CCDC138: variants seen among roughly 807,000 people sequenced by gnomAD.
CCDC138 encodes coiled-coil domain-containing protein 138.
A neutral mutation model predicts 82.3 loss-of-function variants in CCDC138; 66 were observed. That is an observed-to-expected ratio of 0.80 (90% CI 0.66 to 0.98). The LOEUF (loss-of-function observed/expected upper bound fraction) is 0.98, where lower values mean the gene tolerates loss of function less well. Ranked by LOEUF, CCDC138 falls within the 50% of genes least tolerant of loss-of-function variation. CCDC138 has a pLI of 0.00. For missense variants in CCDC138, 816 were observed against 758.9 expected (o/e 1.08, Z -0.88); for synonymous variants, 297 against 265.4 (o/e 1.12, Z -1.16).
chr2:108,857,321 G>A (rs915466201), intron 13 of CCDC138, among the ~76,000 whole-genome samples: 10 of 151,798 alleles, frequency 6.6e-5, no homozygotes, highest in Non-Finnish European at 1.5e-4. Flanking sequence ...TGGCAGCCTC[G>A]GCCTCCCAAA....
intron 3 of CCDC138, among the ~76,000 whole-genome samples, chr2:108,789,972 AAT>A (rs1679632022): frequency 6.6e-6 from 1 of 152,246 alleles, no homozygotes; most frequent in African/African-American, 2.4e-5. Flanking sequence ...GAAATGTTGA[AAT>A]AATTGTGGAG....
chr2:108,868,108 G>A (rs762875076), intron 13 of CCDC138, among the ~76,000 whole-genome samples: 19 of 152,282 alleles, frequency 1.2e-4, no homozygotes, highest in Admixed American at 2.0e-4. Context: ...TTGACAGCAT[G>A]TACTTTTAAA....
chr2:108,803,627 C>T (rs1422897056), intron 6 of CCDC138, among the ~76,000 whole-genome samples: 1 of 152,074 alleles, frequency 6.6e-6, no homozygotes, highest in African/African-American at 2.4e-5. Flanking sequence ...TGTTCTACTT[C>T]TCCATGTCTG....
At chr2:108,860,957 T>TTTTTTTTG in intron 13 of CCDC138, among the ~76,000 whole-genome samples, 1 of 146,778 alleles carries the variant, frequency 6.8e-6, no homozygotes, top group Non-Finnish European at 1.5e-5. Flanking sequence ...TTTTTTTTTT[T>TTTTTTTTG]TGGTTGGTAA....
intron 8 of CCDC138, 37 bp downstream of exon 8, chr2:108,812,745 T>G: frequency 6.2e-7 from 1 of 1,609,412 alleles, no homozygotes; most frequent in Admixed American, 1.7e-5. Context: ...CAGAAGTATG[T>G]TTTTAGATGA....
At chr2:108,854,557 GAGGTCTGTTAGACT>G (rs1692295097) in intron 12 of CCDC138, among the ~76,000 whole-genome samples, 1 of 152,116 alleles carries the variant, frequency 6.6e-6, no homozygotes, top group South Asian at 2.1e-4. Context: ...GATCAGAATT[GAGGTCTGTTAGACT>G]ACATTAGTTG....
At chr2:108,861,663 TAG>T (rs1397993663) in intron 13 of CCDC138, among the ~76,000 whole-genome samples, 1 of 152,020 alleles carries the variant, frequency 6.6e-6, no homozygotes, top group Non-Finnish European at 1.5e-5. Flanking sequence ...GCATTTTTAG[TAG>T]AGACAGGGTT....
At chr2:108,868,108 G>T (rs762875076) in intron 13 of CCDC138, among the ~76,000 whole-genome samples, 1 of 152,164 alleles carries the variant, frequency 6.6e-6, no homozygotes. Context: ...TTGACAGCAT[G>T]TACTTTTAAA....
intron 10 of CCDC138, among the ~76,000 whole-genome samples, chr2:108,818,622 A>C (rs1685164545): frequency 6.6e-6 from 1 of 152,318 alleles, no homozygotes; most frequent in East Asian, 1.9e-4. Flanking sequence ...TGGCCATCGC[A>C]AGCAGGTATT....
rs1558777754 is a variant in CCDC138, at chr2:108,876,255, C to G, written c.*2C>G. 6 of 1,570,598 alleles carry G rather than the reference C, an allele frequency of 3.8e-6. No homozygotes were observed. The highest frequency in any genetic ancestry group is 5.2e-6 in the Non-Finnish European group (6 of 1,156,296). The stretch of plus-strand genomic sequence containing the variant: ...CTGGTCTCCAGTGCAAGCCCTTAGA[C>G]TGGCTAATTTTTTAATATAGTATAT... On this transcript the variant is annotated 3_prime_UTR_variant, in exon 15 of 15. Coordinates refer to ENST00000295124, the MANE Select transcript of CCDC138 (RefSeq NM_144978.3).
chr2:108,812,691 C>A lies in CCDC138; in HGVS notation c.916C>A (p.Arg306Ser). The A allele has an allele frequency of 6.2e-7, 1 of 1,610,000 alleles. No individual in the cohort carries two copies. The highest frequency in any genetic ancestry group is 1.1e-5 in the South Asian group (1 of 90,942). Reference protein sequence around the residue: ...IDIQAKRVQARLDNLQRKYEF... With the variant: ...IDIQAKRVQASLDNLQRKYEF... Reference sequence around the variant, plus strand: ...CATTCAGGCTAAAAGAGTTCAAGCTCGTTTAGATAATTTACAGGTAAGTTG... The same window carrying A: ...CATTCAGGCTAAAAGAGTTCAAGCTAGTTTAGATAATTTACAGGTAAGTTG... The change falls in exon 8 of 15, where the codon CGT becomes AGT. Residue 306 changes from arginine to serine, a missense_variant. Arg to Ser is a moderately radical substitution (Grantham distance 110). Coordinates refer to ENST00000295124, the MANE Select transcript of CCDC138 (RefSeq NM_144978.3).
At chr2:108,812,221 C>T (rs993754871) in intron 7 of CCDC138, among the ~76,000 whole-genome samples, 3 of 152,010 alleles carry the variant, frequency 2.0e-5, no homozygotes, top group African/African-American at 7.2e-5. Flanking sequence ...TATATATATA[C>T]ATATCAGTAT....
chr2:108,794,217 G>A (rs760439331), intron 4 of CCDC138, among the ~76,000 whole-genome samples: 2 of 152,128 alleles, frequency 1.3e-5, no homozygotes, highest in Non-Finnish European at 2.9e-5. Context: ...AGGGGAGAGA[G>A]GGGAACATGA....
chr2:108,828,589 C>T (rs1687031812), intron 10 of CCDC138, among the ~76,000 whole-genome samples: 1 of 152,206 alleles, frequency 6.6e-6, no homozygotes, highest in Non-Finnish European at 1.5e-5. Flanking sequence ...GGAGACCACT[C>T]AGTGGAGGAA....
At chr2:108,791,933 T>C in intron 4 of CCDC138, 131 bp downstream of exon 4, 1 of 901,776 alleles carries the variant, frequency 1.1e-6, no homozygotes, top group Non-Finnish European at 1.6e-6. Flanking sequence ...TTCTGTAAGC[T>C]AGGAGATAGT....
At chr2:108,829,730 A>G (rs1032222831) in intron 10 of CCDC138, among the ~76,000 whole-genome samples, 1 of 152,212 alleles carries the variant, frequency 6.6e-6, no homozygotes. Flanking sequence ...TGGGAGACAA[A>G]TTGAGACTGT....
At chr2:108,860,307 C>T (rs1370824476) in intron 13 of CCDC138, among the ~76,000 whole-genome samples, 1 of 152,072 alleles carries the variant, frequency 6.6e-6, no homozygotes, top group Admixed American at 6.5e-5. Flanking sequence ...TATTTGTCTT[C>T]CTCTTTGGAT....
chr2:108,796,215 AT>A (rs1043150011), intron 5 of CCDC138, among the ~76,000 whole-genome samples: 134 of 144,582 alleles, frequency 9.3e-4, no homozygotes, highest in Admixed American at 9.7e-4. Flanking sequence ...CGCCCGGCTA[AT>A]TTTTTTTTTT....
At position 108,791,675 on chromosome 2, in the gene CCDC138, C is replaced by T; in HGVS notation, c.267C>T (p.Cys89=). ...CTGTGATACAATTATTTTTTTAAAG[C>T]CTAGATGATGAACTGGATTCTTTCC... is the stretch of plus-strand genomic sequence containing the variant. The part of the protein sequence containing the change: ...GSLFKHVNVN[C]LDDELDSFHD... Residue 89 remains cysteine, a splice_region_variant and synonymous_variant, in exon 4 of 15, where the codon TGC becomes TGT. Transcript: ENST00000295124. 1 of 1,603,086 alleles carries T rather than the reference C, an allele frequency of 6.2e-7. No homozygotes were observed. The highest frequency in any genetic ancestry group is 1.1e-5 in the South Asian group (1 of 89,184).
Sources: gnomAD v4.1 joint callset for allele counts (sites outside exome capture counted in the v4.1 genomes callset) on GRCh38, gnomAD v4.1.1 for gene constraint, MANE v1.5 for transcripts, NCBI Gene and HGNC (gene_info 2026-07-23, HGNC 2026-07-21) for gene names.